CCDC149: variants seen among roughly 807,000 people sequenced by gnomAD.
CCDC149 encodes the protein coiled-coil domain containing 149, also known as coiled-coil domain-containing protein 149.
A neutral mutation model predicts 59.9 loss-of-function variants in CCDC149; 45 were observed. That is an observed-to-expected ratio of 0.75 (90% CI 0.59 to 0.96). CCDC149 has a LOEUF of 0.96. Ranked by LOEUF, CCDC149 falls within the 40% of genes least tolerant of loss-of-function variation. CCDC149 has a pLI of 0.00. For synonymous variants in CCDC149, 245 were observed against 260.6 expected, an observed-to-expected ratio of 0.94 and a Z score of 0.58; for missense variants, 584 against 664.7, an observed-to-expected ratio of 0.88 and a Z score of 1.33.
At chr4:24,875,074 C>T (rs147581828) in intron 2 of CCDC149, among the ~76,000 whole-genome samples, 45 of 152,188 alleles carry the variant, frequency 3.0e-4, no homozygotes, top group East Asian at 9.6e-4. Context: ...CTTGGGAGGG[C>T]GAGGCGGGCA....
intron 1 of CCDC149, among the ~76,000 whole-genome samples, chr4:24,919,507 G>A (rs1027820188): frequency 3.3e-5 from 5 of 152,148 alleles, no homozygotes; most frequent in Admixed American, 1.3e-4. Flanking sequence ...CAACCTTGGC[G>A]GGCAGGGGGT....
intron 1 of CCDC149, among the ~76,000 whole-genome samples, chr4:24,961,597 G>A (rs1339545046): frequency 1.3e-5 from 2 of 152,120 alleles, no homozygotes; most frequent in East Asian, 1.9e-4. Context: ...ACATGGTACT[G>A]GTACCAAAAC....
chr4:24,897,240 G>A (rs1313403741), intron 1 of CCDC149, among the ~76,000 whole-genome samples: 1 of 152,182 alleles, frequency 6.6e-6, no homozygotes, highest in Non-Finnish European at 1.5e-5. Context: ...GGCACGGCCT[G>A]ATCAAAGGCT....
chr4:24,833,552 A>T (rs563312431), intron 8 of CCDC149, among the ~76,000 whole-genome samples: 43 of 152,208 alleles, frequency 2.8e-4, no homozygotes, highest in African/African-American at 9.9e-4. Context: ...TGAATCTGGG[A>T]GGCAGGGGTT....
chr4:24,950,135 T>C (rs1419812796), intron 1 of CCDC149, among the ~76,000 whole-genome samples: 1 of 152,138 alleles, frequency 6.6e-6, no homozygotes, highest in Non-Finnish European at 1.5e-5. Context: ...GCCTTGACAT[T>C]CCTCAGCCTC....
chr4:24,958,363 A>G (rs147508029), intron 1 of CCDC149, among the ~76,000 whole-genome samples: 11 of 152,288 alleles, frequency 7.2e-5, no homozygotes, highest in African/African-American at 2.4e-4. Flanking sequence ...AGTGCCTCAG[A>G]CTACCTATCT....
rs73101576 is a variant in CCDC149 at position 24,820,052 on chromosome 4, C to T, written c.1076-77G>A. 2.6e-3 allele frequency: 2,737 copies of T among 1,033,042 alleles called. 47 individuals carry two copies. In the African/African-American group the frequency reaches 0.038, roughly 14 times the overall value. 64.0% of individuals were successfully genotyped at this position (1,033,042 alleles called of 1,614,324 possible). ...TTGCATTTAGTCCCACACACTTAAT[C>T]GGCACAGGGCTGGCTACCCACAGAC... On this transcript the variant is annotated intron_variant, in intron 11 of 12. Transcript: ENST00000635206.
At chr4:24,845,873 T>C (rs1382520742) in intron 4 of CCDC149, among the ~76,000 whole-genome samples, 1 of 152,238 alleles carries the variant, frequency 6.6e-6, no homozygotes, top group Non-Finnish European at 1.5e-5. Context: ...GTTCAGCACA[T>C]GTTGCTCCCA....
At chr4:24,859,349 T>G (rs1718229203) in intron 3 of CCDC149, among the ~76,000 whole-genome samples, 1 of 152,186 alleles carries the variant, frequency 6.6e-6, no homozygotes, top group East Asian at 1.9e-4. Flanking sequence ...CAACTTTTAA[T>G]GTTTTCAATT....
At position 24,912,836 on chromosome 4, in the gene CCDC149, C is replaced by T; in HGVS notation, c.44G>A (p.Trp15Ter). 7.3e-7 allele frequency: 1 copy of T among 1,373,028 alleles called. No homozygotes were observed. Among genetic ancestry groups the T allele is most frequent in the East Asian group, 3.7e-5 (1 of 27,012 alleles). The allele number at this position is 1,373,028 out of a possible 1,614,324, so 85.1% of individuals were successfully genotyped here. The stretch of plus-strand genomic sequence containing the variant: ...CCTCACCTCGCTCACCAGCCCCTGC[C>T]AGTCGCTCTCAGTCCGGTCGCCGTT... The change falls in exon 1 of 13, where the codon TGG becomes TAG. Residue 15 changes from tryptophan to a stop codon, truncating the protein, a stop_gained. Transcript: ENST00000635206. LOFTEE classifies it high-confidence loss of function.
chr4:24,928,286 G>A (rs1722487335), intron 1 of CCDC149, among the ~76,000 whole-genome samples: 1 of 152,170 alleles, frequency 6.6e-6, no homozygotes, highest in African/African-American at 2.4e-5. Context: ...ACGTACATTG[G>A]ACTGTGATAG....
At chr4:24,919,233 C>T (rs1722216506) in intron 1 of CCDC149, among the ~76,000 whole-genome samples, 1 of 152,134 alleles carries the variant, frequency 6.6e-6, no homozygotes, top group African/African-American at 2.4e-5. Flanking sequence ...CTCTTATATG[C>T]TGAACTAGGC....
At position 24,837,114 on chromosome 4, in the gene CCDC149, T is replaced by C. The variant is rs1716591364; in HGVS notation, c.662+114A>G. 1 of 1,024,122 alleles carries C rather than the reference T, an allele frequency of 9.8e-7. No homozygotes were observed. Among genetic ancestry groups the C allele is most frequent in the Admixed American group, 2.8e-5 (1 of 35,486 alleles). 63.4% of individuals were successfully genotyped at this position (1,024,122 alleles called of 1,614,324 possible). A position where few individuals can be genotyped will look rare whatever the true frequency, so the allele number is the denominator to read the frequency against. The stretch of plus-strand genomic sequence containing the variant: ...TCATTTCGGGGGAGTGAGTTTCTTT[T>C]CACTTGTAAGGCAATTTTCTCCAAA... On this transcript the variant is annotated intron_variant, in intron 6 of 12. Transcript: ENST00000635206. This position sits in a 1 kb window ranked among gnomAD's most constrained non-coding sequence, Gnocchi z 4.3.
At chr4:24,911,167 C>G (rs534242188) in intron 1 of CCDC149, among the ~76,000 whole-genome samples, 4 of 152,304 alleles carry the variant, frequency 2.6e-5, no homozygotes, top group Admixed American at 2.0e-4. Context: ...CCAAACAAAG[C>G]ACACGGCCTA....
chr4:24,877,109 C>T (rs950907858), intron 1 of CCDC149, among the ~76,000 whole-genome samples: 1 of 152,080 alleles, frequency 6.6e-6, no homozygotes, highest in Non-Finnish European at 1.5e-5. Context: ...ACCCAGGTTT[C>T]AAAATTTTTC....
intron 1 of CCDC149, among the ~76,000 whole-genome samples, chr4:24,892,499 T>C (rs560707705): frequency 6.3e-4 from 96 of 152,272 alleles, no homozygotes; most frequent in Non-Finnish European, 1.1e-3. Flanking sequence ...ACAAAGACTA[T>C]AGTAGTTAAA....
intron 3 of CCDC149, among the ~76,000 whole-genome samples, chr4:24,871,850 T>C (rs1719061032): frequency 6.6e-6 from 1 of 152,246 alleles, no homozygotes; most frequent in African/African-American, 2.4e-5. Context: ...AGATTCTCCT[T>C]AGTCAATGTA....
intron 12 of CCDC149, among the ~76,000 whole-genome samples, 169 bp downstream of exon 12, chr4:24,819,690 C>T (rs1715240110): frequency 6.6e-6 from 1 of 152,178 alleles, no homozygotes; most frequent in Non-Finnish European, 1.5e-5. Flanking sequence ...GCATTTAAAA[C>T]CTCCCAACAA....
intron 1 of CCDC149, 109 bp downstream of exon 1, chr4:24,912,708 T>G: frequency 1.3e-6 from 1 of 744,722 alleles, no homozygotes; most frequent in Non-Finnish European, 1.7e-6. Flanking sequence ...CCACTTGGAG[T>G]GCGCGCCCCC....
Sources: gnomAD v4.1 joint callset for allele counts (sites outside exome capture counted in the v4.1 genomes callset) on GRCh38, gnomAD v4.1.1 for gene constraint, Gnocchi (gnomAD v3.1) non-coding constraint, MANE v1.5 for transcripts, NCBI Gene and HGNC (gene_info 2026-07-23, HGNC 2026-07-21) for gene names.